The following EHD3 variants were observed in gnomAD, a reference collection of about 807,000 sequenced individuals.
EHD3 encodes the protein EH domain containing 3, also known as EH domain-containing protein 3.
Under a neutral mutation model 43.0 loss-of-function variants are expected in EHD3, and 17 were observed. The observed-to-expected ratio is 0.40, with a 90% confidence interval of 0.27 to 0.59. EHD3 has a LOEUF of 0.59. Ranked by LOEUF, EHD3 falls within the 20% of genes least tolerant of loss-of-function variation. The pLI, the probability that EHD3 is intolerant of heterozygous loss-of-function variation, is 0.49. For synonymous variants in EHD3, 313 were observed against 289.5 expected, an observed-to-expected ratio of 1.08 and a Z score of -0.82; for missense variants, 594 against 705.6, an observed-to-expected ratio of 0.84 and a Z score of 1.79.
At chr2:31,250,488 G>A (rs185105730) in intron 3 of EHD3, among the ~76,000 whole-genome samples, 2 of 152,022 alleles carry the variant, frequency 1.3e-5, no homozygotes, top group Admixed American at 6.6e-5. Flanking sequence ...GAATGGTCTC[G>A]ATCTCCTGAC....
At chr2:31,245,611 G>C (rs1201762023) in intron 2 of EHD3, among the ~76,000 whole-genome samples, 1 of 142,440 alleles carries the variant, frequency 7.0e-6, no homozygotes, top group Non-Finnish European at 1.5e-5. Flanking sequence ...GCCCAAGCTG[G>C]AGTGCAATGG....
intron 1 of EHD3, among the ~76,000 whole-genome samples, chr2:31,241,396 T>C (rs1480064063): frequency 6.6e-6 from 1 of 152,208 alleles, no homozygotes; most frequent in African/African-American, 2.4e-5. Context: ...ACCCTGTTAC[T>C]GTTTACTGAG....
At chr2:31,264,533 C>CT (rs35446028) in intron 5 of EHD3, among the ~76,000 whole-genome samples, 70,042 of 112,766 alleles carry the variant, frequency 0.62, 22,969 homozygotes, top group East Asian at 0.8. Flanking sequence ...ACTTTACAGA[C>CT]TTTTTTTTTT....
chr2:31,256,533 C>T (rs533297513), intron 3 of EHD3, among the ~76,000 whole-genome samples: 36 of 152,340 alleles, frequency 2.4e-4, no homozygotes, highest in African/African-American at 8.2e-4. Flanking sequence ...GGTGCTGCCC[C>T]TGCCCTGTCC....
In EHD3 at chr2:31,266,639, CACGAGCTGCCCA is replaced by C; in HGVS notation, c.1554_1565del (p.Asn519_Pro522del). ...CCTCATCAAAGTCAAGCTGGAGGGG[CACGAGCTGCCCA>C]ACGAGCTGCCTGCCCACCTCCTGCC... On this transcript the variant is annotated inframe_deletion, in exon 6 of 6. Transcript: ENST00000322054. The surrounding 1 kb of genome is among the most constrained non-coding windows in gnomAD (Gnocchi z 5.1). 1 of 1,613,590 alleles carries C rather than the reference CACGAGCTGCCCA, an allele frequency of 6.2e-7. No homozygotes were observed.
At position 31,260,930 on chromosome 2, in the gene EHD3, AG is replaced by A; in HGVS notation, c.915+9del. 1 of 1,592,756 alleles carries A rather than the reference AG, an allele frequency of 6.3e-7. No individual in the cohort carries two copies. The highest frequency in any genetic ancestry group is 8.6e-7 in the Non-Finnish European group (1 of 1,169,446). ...AGGGCCAGGCTGGCCAAGGTGAGGC[AG>A]CCCCCTGGGAGGTGGGCAGCTTGGG... On this transcript the variant is annotated intron_variant, in intron 4 of 5. Transcript: ENST00000322054. The surrounding 1 kb of genome is among the most constrained non-coding windows in gnomAD (Gnocchi z 4.6).
chr2:31,260,528 T>C lies in EHD3; in HGVS notation c.521T>C (p.Val174Ala). 19 of 1,608,548 alleles carry C rather than the reference T, an allele frequency of 1.2e-5. No homozygotes were observed. Among genetic ancestry groups the C allele is most frequent in the Non-Finnish European group, 1.6e-5 (19 of 1,176,270 alleles). The change falls in exon 4 of 6, where the codon GTC becomes GCC. Residue 174 changes from valine (V) to alanine (A), a missense_variant. Val to Ala is a moderately conservative substitution (Grantham distance 64). This residue lies in a region of EHD3 where 243 missense variants were observed against 296.7 expected (regional missense o/e 0.82). Coordinates refer to ENST00000322054, the MANE Select transcript of EHD3 (RefSeq NM_014600.3). This position sits in a 1 kb window ranked among gnomAD's most constrained non-coding sequence, Gnocchi z 4.6. The stretch of plus-strand genomic sequence containing the variant: ...CCGGCAGGGTATGACTTTGCAGCTG[T>C]CCTTGAGTGGTTTGCCGAGCGGGTT... Reference protein sequence around the residue: ...RISRGYDFAAVLEWFAERVDR... With the variant: ...RISRGYDFAAALEWFAERVDR...
intron 3 of EHD3, among the ~76,000 whole-genome samples, 197 bp downstream of exon 3, chr2:31,249,665 G>A (rs570772937): frequency 2.6e-5 from 4 of 152,264 alleles, no homozygotes; most frequent in African/African-American, 4.8e-5. Context: ...GGGAATTCAG[G>A]TCCACCGTAG....
chr2:31,253,736 G>T (rs965831241), intron 3 of EHD3, among the ~76,000 whole-genome samples: 11 of 152,192 alleles, frequency 7.2e-5, no homozygotes, highest in Admixed American at 2.6e-4. Context: ...GGCGGGGTGT[G>T]TCTTGTGGGA....
In EHD3 at chr2:31,268,508, G is replaced by A. The variant is rs1683996899; in HGVS notation, c.*1804G>A. The A allele has an allele frequency of 2.0e-5, 3 of 152,238 alleles. No homozygotes were observed. The allele number at this position is 152,238 out of a possible 1,614,324, so 9.4% of individuals were successfully genotyped here. On this transcript the variant is annotated 3_prime_UTR_variant, in exon 6 of 6. Coordinates refer to ENST00000322054, the MANE Select transcript of EHD3 (RefSeq NM_014600.3). ...AAAGGGCTCACTGGGGCCACCCAAT[G>A]GCCAGCATCCACAACCAGCTTCCCA...
At chr2:31,236,437 C>A (rs2148714586) in intron 1 of EHD3, among the ~76,000 whole-genome samples, 1 of 152,276 alleles carries the variant, frequency 6.6e-6, no homozygotes, top group South Asian at 2.1e-4. Context: ...GTCCAAGGGC[C>A]TTCTTTGGAC....
intron 5 of EHD3, among the ~76,000 whole-genome samples, chr2:31,262,484 C>G (rs2148723913): frequency 6.6e-6 from 1 of 152,328 alleles, no homozygotes; most frequent in Admixed American, 6.5e-5. Context: ...ATAATCTTTG[C>G]AAAGCCCTTA....
chr2:31,264,472 ATATT>A (rs1365239654), intron 5 of EHD3, among the ~76,000 whole-genome samples: 3 of 150,224 alleles, frequency 2.0e-5, no homozygotes, highest in African/African-American at 4.9e-5. Context: ...AGGCTACACT[ATATT>A]TATTTTTAGA....
rs140462352 is a variant in EHD3, at chr2:31,257,836, G to A, written c.503-2674G>A. Among the ~76,000 whole-genome samples the A allele has an allele frequency of 1.4e-3, 210 of 152,226 alleles. 1 individual carries two copies. The highest frequency in any genetic ancestry group is 5.0e-3 in the African/African-American group (206 of 41,528). On this transcript the variant is annotated intron_variant, in intron 3 of 5. Coordinates refer to ENST00000322054, the MANE Select transcript of EHD3 (RefSeq NM_014600.3). ...CTTTCCTGGGCCTTGTCTCTGAGCC[G>A]AGACAGGACACCTGTGTTCAAAAGA... is the stretch of plus-strand genomic sequence containing the variant.
chr2:31,246,879 A>G (rs1442634400), intron 2 of EHD3, among the ~76,000 whole-genome samples: 1 of 151,924 alleles, frequency 6.6e-6, no homozygotes, highest in African/African-American at 2.4e-5. Flanking sequence ...GAAAAAATAT[A>G]TAAATCTTTA....
chr2:31,261,017 T>C (rs1376561813), intron 4 of EHD3, 95 bp downstream of exon 4: 7 of 1,404,172 alleles, frequency 5.0e-6, no homozygotes, highest in Non-Finnish European at 6.8e-6. Flanking sequence ...CAACAGCCAG[T>C]GCATCATGTG....
At chr2:31,255,035 T>A (rs1312280819) in intron 3 of EHD3, among the ~76,000 whole-genome samples, 2 of 152,212 alleles carry the variant, frequency 1.3e-5, no homozygotes, top group African/African-American at 2.4e-5. Flanking sequence ...TCTGATTGAT[T>A]TCCTCTTGCC....
Position 31,265,652 on chromosome 2 carries a change from G to A in EHD3, c.1081-525G>A, listed in dbSNP as rs113350585. Among the ~76,000 whole-genome samples the A allele has an allele frequency of 3.3e-5, 5 of 152,292 alleles. 2 individuals are homozygous for A. The highest frequency in any genetic ancestry group is 1.2e-4 in the African/African-American group (5 of 41,550). On this transcript the variant is annotated intron_variant, in intron 5 of 5. Coordinates refer to ENST00000322054, the MANE Select transcript of EHD3 (RefSeq NM_014600.3). Reference sequence around the variant, plus strand: ...TGGTTTTTGTTTTTGTTTTCACTAAGTGGGGATAGAATGTGATTTTCCTAC... The same window carrying A: ...TGGTTTTTGTTTTTGTTTTCACTAAATGGGGATAGAATGTGATTTTCCTAC...
Position 31,260,390 on chromosome 2 carries a change from A to G in EHD3, c.503-120A>G. 5 of 1,019,578 alleles carry G rather than the reference A, an allele frequency of 4.9e-6. No individual in the cohort carries two copies. The highest frequency in any genetic ancestry group is 6.9e-6 in the Non-Finnish European group (5 of 724,770). The allele number at this position is 1,019,578 out of a possible 1,614,324, so 63.2% of individuals were successfully genotyped here. On this transcript the variant is annotated intron_variant, in intron 3 of 5. Transcript: ENST00000322054. This position sits in a 1 kb window ranked among gnomAD's most constrained non-coding sequence, Gnocchi z 4.6. ...CAAACAGTTAAAATGTGGAGGAGCC[A>G]GGATTTAAACTTAGATCTGACTCCC...
Sources: allele counts gnomAD v4.1 joint callset (sites outside exome capture counted in the v4.1 genomes callset), GRCh38; gene constraint gnomAD v4.1.1; regional missense constraint gnomAD v4.1.1; non-coding constraint Gnocchi (gnomAD v3.1); transcripts MANE v1.5; gene names NCBI Gene and HGNC (gene_info 2026-07-23, HGNC 2026-07-21).